TMPRSS11B: variants seen among roughly 807,000 people sequenced by gnomAD.
TMPRSS11B encodes the protein transmembrane serine protease 11B.
A neutral mutation model predicts 44.7 loss-of-function variants in TMPRSS11B; 53 were observed. The observed-to-expected ratio is 1.19, with a 90% CI of 0.95 to 1.49. TMPRSS11B has a LOEUF of 1.49. Ranked by LOEUF, TMPRSS11B falls within the 40% of genes most tolerant of loss-of-function variation. The pLI is 0.00. For missense variants in TMPRSS11B, 526 were observed against 494.8 expected, an observed-to-expected ratio of 1.06 and a Z score of -0.60; for synonymous variants, 140 against 159.2, an observed-to-expected ratio of 0.88 and a Z score of 0.91.
rs139996521 is a variant in TMPRSS11B, at chr4:68,239,071, C to T, written c.124+2618G>A. On this transcript the variant is annotated intron_variant, in intron 2 of 9. Transcript: ENST00000332644. ...AAAATTAATTTTCACTTGATTTTTA[C>T]TGTGGATTGAATTGTATCCCCTCCA... is the stretch of plus-strand genomic sequence containing the variant. Among the ~76,000 whole-genome samples, 1,198 of 152,248 alleles carry T rather than the reference C, an allele frequency of 7.9e-3. 12 individuals are homozygous for T. The highest frequency in any genetic ancestry group is 0.02 in the Middle Eastern group (6 of 294).
chr4:68,228,056 G>A lies in TMPRSS11B; in HGVS notation c.1106C>T (p.Pro369Leu). The A allele has an allele frequency of 6.3e-7, 1 of 1,598,482 alleles. No homozygotes were observed. The highest frequency in any genetic ancestry group is 8.5e-7 in the Non-Finnish European group (1 of 1,176,180). ...ADACQNDSGG[P>L]LAYPDSRNIW... ...ATTTCTGGAATCAGGGTAAGCTAGT[G>A]GTCCACCAGAATCATTCTAGAAGAA... The change falls in exon 10 of 10, where the codon CCA becomes CTA. Residue 369 changes from proline (P) to leucine (L), a missense_variant. Coordinates refer to ENST00000332644, the MANE Select transcript of TMPRSS11B (RefSeq NM_182502.3).
chr4:68,231,878 CAGG>C (rs1425948480), intron 6 of TMPRSS11B: 2 of 155,192 alleles, frequency 1.3e-5, no homozygotes, highest in African/African-American at 4.8e-5. Context: ...GAGGCTGAGG[CAGG>C]AGGACTGCTT....
At position 68,227,776 on chromosome 4, in the gene TMPRSS11B, A is replaced by G; in HGVS notation, c.*135T>C. ...GACAGTGTTTTAGATATAATAAAAT[A>G]TTAATAAAGACATTTATATTTTTAT... On this transcript the variant is annotated 3_prime_UTR_variant, in exon 10 of 10. Transcript: ENST00000332644. The G allele has an allele frequency of 2.1e-6, 1 of 470,436 alleles. No homozygotes were observed. The highest frequency in any genetic ancestry group is 5.6e-5 in the East Asian group (1 of 17,828). The allele number at this position is 470,436 out of a possible 1,614,324, so 29.1% of individuals were successfully genotyped here.
intron 6 of TMPRSS11B, 131 bp from the exon 7 acceptor site, chr4:68,231,511 T>A (rs1719516108): frequency 4.9e-6 from 4 of 817,732 alleles, no homozygotes; most frequent in Non-Finnish European, 7.4e-6. Context: ...GTTTCTTTCC[T>A]ACAAGATACT....
Position 68,240,492 on chromosome 4 carries a change from C to G in TMPRSS11B, c.124+1197G>C, listed in dbSNP as rs534388989. 3.3e-5 allele frequency among the ~76,000 whole-genome samples: 5 copies of G among 152,238 alleles called. No individual in the cohort carries two copies. The South Asian group carries it at 1.0e-3, about 32-fold the overall frequency. On this transcript the variant is annotated intron_variant, in intron 2 of 9. Transcript: ENST00000332644. ...GCTCCAGCCAGGGTTCTGTAGTTCC[C>G]CTTTGCACCACTCCTTTCCATTAAG...
At position 68,243,880 on chromosome 4, in the gene TMPRSS11B, A is replaced by G. The variant is rs373145839; in HGVS notation, c.8+1671T>C. ...AAAAGAGATTTTTCTCTAAAAACCCATTTTGGATGCTCTGAAAATTTCTGA... is the reference window on the plus strand; with the variant it reads ...AAAAGAGATTTTTCTCTAAAAACCCGTTTTGGATGCTCTGAAAATTTCTGA... On this transcript the variant is annotated intron_variant, in intron 1 of 9. Transcript: ENST00000332644. 7.9e-4 allele frequency among the ~76,000 whole-genome samples: 121 copies of G among 152,288 alleles called. 1 individual carries two copies. Among genetic ancestry groups the G allele is most frequent in the African/African-American group, 2.8e-3 (117 of 41,590 alleles).
chr4:68,239,304 T>G (rs1424465563), intron 2 of TMPRSS11B, among the ~76,000 whole-genome samples: 1 of 152,098 alleles, frequency 6.6e-6, no homozygotes, highest in Non-Finnish European at 1.5e-5. Flanking sequence ...TCTCTCGCTC[T>G]CTCTCTCTTT....
Position 68,236,168 on chromosome 4 carries a change from T to C in TMPRSS11B, c.223A>G (p.Lys75Glu). 6.2e-7 allele frequency: 1 copy of C among 1,608,998 alleles called. No homozygotes were observed. Among genetic ancestry groups the C allele is most frequent in the South Asian group, 1.1e-5 (1 of 89,770 alleles). The change falls in exon 3 of 10, where the codon AAA (lysine) becomes GAA (glutamate). Residue 75 changes from lysine to glutamate, a missense_variant. Coordinates refer to ENST00000332644, the MANE Select transcript of TMPRSS11B (RefSeq NM_182502.3). ...TGATTTACCTTAGTCTCAATATCTT[T>C]GCTTAGATTTGTGCTGGCTTGTGAA... ...AASQASTNLS[K>E]DIETKMLNAF...
At position 68,229,522 on chromosome 4, in the gene TMPRSS11B, G is replaced by A; in HGVS notation, c.687-6C>T. The A allele has an allele frequency of 1.2e-6, 2 of 1,608,438 alleles. No individual in the cohort carries two copies. The highest frequency in any genetic ancestry group is 1.3e-5 in the African/African-American group (1 of 74,820). ...AATCTTTTGAATTATTTTTCCTAGA[G>A]GACACAATGTAATTAGAATACACTC... is the stretch of plus-strand genomic sequence containing the variant. On this transcript the variant is annotated splice_polypyrimidine_tract_variant and splice_region_variant and intron_variant, in intron 7 of 9. Transcript: ENST00000332644.
intron 2 of TMPRSS11B, among the ~76,000 whole-genome samples, chr4:68,239,169 G>A (rs2109962573): frequency 6.6e-6 from 1 of 152,306 alleles, no homozygotes; most frequent in South Asian, 2.1e-4. Context: ...GAGAATTATG[G>A]TTAAATGGGG....
At chr4:68,243,083 T>C (rs1040719670) in intron 1 of TMPRSS11B, among the ~76,000 whole-genome samples, 7 of 152,180 alleles carry the variant, frequency 4.6e-5, no homozygotes, top group Admixed American at 4.6e-4. Context: ...CCTAGTTATT[T>C]TTCATATCTT....
intron 2 of TMPRSS11B, among the ~76,000 whole-genome samples, chr4:68,236,925 A>C (rs868683215): frequency 0.012 from 1,775 of 143,984 alleles, 33 homozygotes; most frequent in African/African-American, 0.044. Flanking sequence ...CATTATTATT[A>C]TTATTATTAT....
chr4:68,244,733 T>C (rs1448438976), intron 1 of TMPRSS11B, among the ~76,000 whole-genome samples: 2 of 152,232 alleles, frequency 1.3e-5, no homozygotes, highest in Non-Finnish European at 2.9e-5. Flanking sequence ...TTAGATTTCC[T>C]TTTAACCACT....
rs751235169 is a variant in TMPRSS11B at position 68,245,602 on chromosome 4, T to C, written c.-44A>G. On this transcript the variant is annotated 5_prime_UTR_variant, in exon 1 of 10. Transcript: ENST00000332644. ...GCAGTATCAGGTATAACGGTGGTAA[T>C]GATGATGACGAAGATAACGATAACG... 1.2e-6 allele frequency: 2 copies of C among 1,607,928 alleles called. No homozygotes were observed. The highest frequency in any genetic ancestry group is 1.7e-6 in the Non-Finnish European group (2 of 1,175,022).
intron 1 of TMPRSS11B, among the ~76,000 whole-genome samples, chr4:68,242,772 G>T (rs532947736): frequency 6.6e-6 from 1 of 151,910 alleles, no homozygotes; most frequent in African/African-American, 2.4e-5. Flanking sequence ...TCACCATGTT[G>T]CCCAGGCTAG....
intron 5 of TMPRSS11B, among the ~76,000 whole-genome samples, chr4:68,233,900 G>A (rs1002518601): frequency 2.6e-5 from 4 of 151,886 alleles, no homozygotes; most frequent in Non-Finnish European, 5.9e-5. Flanking sequence ...GCCTGGGCTC[G>A]GTGGCTCATG....
At chr4:68,231,063 G>A (rs1020614019) in intron 7 of TMPRSS11B, 140 bp downstream of exon 7, 3 of 617,798 alleles carry the variant, frequency 4.9e-6, no homozygotes, top group African/African-American at 3.8e-5. Context: ...CTTTAATTAC[G>A]CAGGTGATTG....
In TMPRSS11B at chr4:68,227,832, CAAAAT is replaced by C; in HGVS notation, c.*74_*78del. The stretch of plus-strand genomic sequence containing the variant: ...ATAAAATGATTAGTTTACCAACAAT[CAAAAT>C]AAAAAGATCCCAAAGCCACAGATAA... On this transcript the variant is annotated 3_prime_UTR_variant, in exon 10 of 10. Coordinates refer to ENST00000332644, the MANE Select transcript of TMPRSS11B (RefSeq NM_182502.3). The C allele has an allele frequency of 1.8e-6, 2 of 1,127,742 alleles. No homozygotes were observed. The highest frequency in any genetic ancestry group is 2.2e-4 in the Middle Eastern group (1 of 4,492). 69.9% of individuals were successfully genotyped at this position (1,127,742 alleles called of 1,614,324 possible). A position where few individuals can be genotyped will look rare whatever the true frequency, so the allele number is the denominator to read the frequency against.
At position 68,226,787 on chromosome 4, in the gene TMPRSS11B, A is replaced by G. The variant is rs1417333526; in HGVS notation, c.*1124T>C. ...CCATCCATATGATTGCACTTTTACTATAAGGAGATGCCACACAGTTCTCTG... is the reference window on the plus strand; with the variant it reads ...CCATCCATATGATTGCACTTTTACTGTAAGGAGATGCCACACAGTTCTCTG... On this transcript the variant is annotated 3_prime_UTR_variant, in exon 10 of 10. Transcript: ENST00000332644. 3 of 152,226 alleles carry G rather than the reference A, an allele frequency of 2.0e-5. No individual in the cohort carries two copies. Among genetic ancestry groups the G allele is most frequent in the Non-Finnish European group, 4.4e-5 (3 of 68,036 alleles). 9.4% of individuals were successfully genotyped at this position (152,226 alleles called of 1,614,324 possible).
Sources: allele counts gnomAD v4.1 joint callset (sites outside exome capture counted in the v4.1 genomes callset), GRCh38; gene constraint gnomAD v4.1.1; transcripts MANE v1.5; gene names NCBI Gene and HGNC (gene_info 2026-07-23, HGNC 2026-07-21).